The following DLGAP1 variants were observed in gnomAD, a reference collection of about 807,000 sequenced individuals.
The protein encoded by DLGAP1 is DLG associated protein 1, also known as disks large-associated protein 1.
A neutral mutation model predicts 90.8 loss-of-function variants in DLGAP1; 11 were observed. The observed-to-expected ratio is 0.12, with a 90% CI of 0.08 to 0.20. DLGAP1 has a LOEUF of 0.20. DLGAP1 is among the 10% of genes least tolerant of loss of function. The pLI, the probability that DLGAP1 is intolerant of heterozygous loss-of-function variation, is 1.00. For missense variants in DLGAP1, 1,050 were observed against 1,333.8 expected, an observed-to-expected ratio of 0.79 and a Z score of 3.31; for synonymous variants, 558 against 540.7, an observed-to-expected ratio of 1.03 and a Z score of -0.44.
At chr18:4,089,222 AT>A (rs1228061766) in intron 2 of DLGAP1, among the ~76,000 whole-genome samples, 4 of 152,210 alleles carry the variant, frequency 2.6e-5, no homozygotes, top group Non-Finnish European at 5.9e-5. Context: ...AGAGAATAAA[AT>A]ACCTAGGAAT....
chr18:4,408,986 C>A (rs1166676284), intron 1 of DLGAP1, among the ~76,000 whole-genome samples: 4 of 149,682 alleles, frequency 2.7e-5, no homozygotes, highest in African/African-American at 7.4e-5. Flanking sequence ...CACAAACACA[C>A]ACACACACAC....
intron 1 of DLGAP1, among the ~76,000 whole-genome samples, chr18:4,208,330 C>T (rs1244136698): frequency 1.3e-5 from 2 of 152,092 alleles, no homozygotes. Context: ...AAATTTGATA[C>T]ACAATATACT....
In DLGAP1 at chr18:3,729,093, G is replaced by A. The variant is rs1416962442; in HGVS notation, c.1591+42C>T. On this transcript the variant is annotated intron_variant, in intron 7 of 12. Coordinates refer to ENST00000315677, the MANE Select transcript of DLGAP1 (RefSeq NM_004746.4). This position sits in a 1 kb window ranked among gnomAD's most constrained non-coding sequence, Gnocchi z 6.2. ...AGTCTTTGGGGACAGTCGTGCCATA[G>A]CCAGCACAGGGGCCAGGCTGGCTGA... 3.8e-6 allele frequency: 6 copies of A among 1,568,704 alleles called. No individual in the cohort carries two copies. The highest frequency in any genetic ancestry group is 1.2e-5 in the South Asian group (1 of 85,822).
chr18:4,372,290 C>A (rs951421122), intron 1 of DLGAP1, among the ~76,000 whole-genome samples: 5 of 152,192 alleles, frequency 3.3e-5, no homozygotes, highest in African/African-American at 1.2e-4. Context: ...TTCATTACTA[C>A]TTCATTCATT....
In DLGAP1 at chr18:4,340,955, C is replaced by T. The variant is rs188277610; in HGVS notation, c.-267+114051G>A. 1.2e-4 allele frequency among the ~76,000 whole-genome samples: 18 copies of T among 152,094 alleles called. No individual in the cohort carries two copies. The East Asian group carries it at 1.4e-3, about 11-fold the overall frequency. ...ACAAAAATTATATAAGGAAAATTCA[C>T]GAGACCATAATCTTTGCAATTATGT... is the stretch of plus-strand genomic sequence containing the variant. On this transcript the variant is annotated intron_variant, in intron 1 of 12. Transcript: ENST00000315677.
chr18:4,153,370 A>G (rs888966199), intron 1 of DLGAP1, among the ~76,000 whole-genome samples: 3 of 152,208 alleles, frequency 2.0e-5, no homozygotes, highest in African/African-American at 7.2e-5. Flanking sequence ...TGTCTGATTT[A>G]CTCATTATAT....
intron 1 of DLGAP1, among the ~76,000 whole-genome samples, chr18:4,187,038 G>A (rs1009445235): frequency 2.0e-5 from 3 of 152,078 alleles, no homozygotes; most frequent in African/African-American, 7.2e-5. Flanking sequence ...TTGTGTTCCT[G>A]ATTTGGCTCT....
intron 7 of DLGAP1, chr18:3,654,852 C>G (rs1164527033): frequency 2.6e-5 from 4 of 152,358 alleles, no homozygotes; most frequent in African/African-American, 7.2e-5. Flanking sequence ...TGAAACACCG[C>G]TGCCTGCACC....
chr18:3,510,527 C>G (rs2143856123), intron 10 of DLGAP1, among the ~76,000 whole-genome samples: 1 of 152,196 alleles, frequency 6.6e-6, no homozygotes, highest in East Asian at 1.9e-4. Flanking sequence ...GTTCCAGCTC[C>G]AAGAAGGTAT....
chr18:3,783,032 C>A (rs1186418534), intron 5 of DLGAP1, among the ~76,000 whole-genome samples: 1 of 152,064 alleles, frequency 6.6e-6, no homozygotes, highest in Non-Finnish European at 1.5e-5. Flanking sequence ...ATACAAGTGA[C>A]CAACAAGCAT....
chr18:3,869,965 T>A (rs943616253), intron 4 of DLGAP1, among the ~76,000 whole-genome samples: 1 of 152,192 alleles, frequency 6.6e-6, no homozygotes, highest in African/African-American at 2.4e-5. Flanking sequence ...GAAATAGAAG[T>A]GCTAAGTAGA....
chr18:3,714,651 T>G (rs1378265685), intron 7 of DLGAP1, among the ~76,000 whole-genome samples: 1 of 149,716 alleles, frequency 6.7e-6, no homozygotes, highest in Non-Finnish European at 1.5e-5. Context: ...TTTTTTTTTT[T>G]TTTTTTTTTT....
intron 1 of DLGAP1, among the ~76,000 whole-genome samples, chr18:4,154,358 T>C (rs1030542725): frequency 6.6e-6 from 1 of 151,966 alleles, no homozygotes; most frequent in African/African-American, 2.4e-5. Context: ...AAAAATTAAA[T>C]TACTAATTTT....
rs191021721 is a variant in DLGAP1 at position 4,070,655 on chromosome 18, A to T, written c.-158-65454T>A. On this transcript the variant is annotated intron_variant, in intron 2 of 12. Coordinates refer to ENST00000315677, the MANE Select transcript of DLGAP1 (RefSeq NM_004746.4). Reference sequence around the variant, plus strand: ...TAATTATGTATTAATATAAGATAAAATAGAATTCATGGCAAGGAGCCTTAA... The same window carrying T: ...TAATTATGTATTAATATAAGATAAATTAGAATTCATGGCAAGGAGCCTTAA... Among the ~76,000 whole-genome samples the T allele has an allele frequency of 3.0e-3, 454 of 152,122 alleles. 1 individual carries two copies. The highest frequency in any genetic ancestry group is 0.01 in the African/African-American group (432 of 41,556).
At chr18:4,050,614 T>C (rs2075120131) in intron 2 of DLGAP1, among the ~76,000 whole-genome samples, 1 of 152,242 alleles carries the variant, frequency 6.6e-6, no homozygotes, top group Non-Finnish European at 1.5e-5. Flanking sequence ...GAACGTCAGT[T>C]CCAGTTATTG....
At chr18:3,594,238 C>T (rs2056443443) in intron 7 of DLGAP1, 1 of 152,260 alleles carries the variant, frequency 6.6e-6, no homozygotes, top group African/African-American at 2.4e-5. Flanking sequence ...AACCTGGCAA[C>T]AGGTAACGTG....
At chr18:3,854,243 C>T (rs2069503502) in intron 4 of DLGAP1, among the ~76,000 whole-genome samples, 1 of 152,104 alleles carries the variant, frequency 6.6e-6, no homozygotes, top group Admixed American at 6.5e-5. Context: ...TGAAAAAGAA[C>T]AGGACAGTCT....
At chr18:3,848,751 C>T (rs2069167894) in intron 4 of DLGAP1, among the ~76,000 whole-genome samples, 1 of 152,122 alleles carries the variant, frequency 6.6e-6, no homozygotes, top group African/African-American at 2.4e-5. Flanking sequence ...CCCACTTACC[C>T]CAATATCACT....
At chr18:3,540,205 G>A (rs1261490640) in intron 9 of DLGAP1, among the ~76,000 whole-genome samples, 12 of 152,018 alleles carry the variant, frequency 7.9e-5, no homozygotes, top group Admixed American at 2.0e-4. Flanking sequence ...AGTGGCTCAC[G>A]TCTGTAGTCC....
Sources: allele counts gnomAD v4.1 joint callset (sites outside exome capture counted in the v4.1 genomes callset), GRCh38; gene constraint gnomAD v4.1.1; non-coding constraint Gnocchi (gnomAD v3.1); transcripts MANE v1.5; gene names NCBI Gene and HGNC (gene_info 2026-07-23, HGNC 2026-07-21).